Variants in HEMK2 observed in about 807,000 individuals in gnomAD.
HEMK2 encodes methyltransferase HEMK2.
the HEMK2 span, among the ~76,000 whole-genome samples, chr21:28,595,233 T>C: frequency 6.6e-6 from 1 of 152,204 alleles, no homozygotes; most frequent in East Asian, 1.9e-4. Context: ...TTATTGACTA[T>C]AGTCACCCTG....
the HEMK2 span, among the ~76,000 whole-genome samples, chr21:28,825,585 T>G: frequency 6.6e-6 from 1 of 152,200 alleles, no homozygotes; most frequent in Non-Finnish European, 1.5e-5. Flanking sequence ...AGCTCCATCT[T>G]AAAGAAGTAT....
the HEMK2 span, among the ~76,000 whole-genome samples, chr21:28,860,332 C>A: frequency 6.6e-6 from 1 of 152,028 alleles, no homozygotes; most frequent in Non-Finnish European, 1.5e-5. Context: ...GAACACTGGA[C>A]TCCACGTTCT....
At chr21:28,831,558 GGAAAGAAGGAAAGAAA>G in the HEMK2 span, among the ~76,000 whole-genome samples, 113 of 68,720 alleles carry the variant, frequency 1.6e-3, 9 homozygotes, top group African/African-American at 5.5e-3. Context: ...AAGGAAAGAA[GGAAAGAAGGAAAGAAA>G]GAAAGAAGGA....
the HEMK2 span, among the ~76,000 whole-genome samples, chr21:28,624,318 C>A: frequency 6.6e-5 from 10 of 152,334 alleles, 1 homozygote; most frequent in Admixed American, 6.5e-4. Context: ...CTCTCCTCTC[C>A]ATTGAGAAGT....
the HEMK2 span, among the ~76,000 whole-genome samples, chr21:28,753,168 C>T: frequency 5.3e-5 from 8 of 152,090 alleles, no homozygotes; most frequent in African/African-American, 1.7e-4. Context: ...ACCAGCGTGG[C>T]CAATATGGTG....
chr21:28,668,676 A>G, the HEMK2 span, among the ~76,000 whole-genome samples: 2 of 152,190 alleles, frequency 1.3e-5, no homozygotes, highest in African/African-American at 4.8e-5. Context: ...ACAATAATAC[A>G]ATCAATCACA....
chr21:28,856,692 A>G, the HEMK2 span, among the ~76,000 whole-genome samples: 1 of 152,196 alleles, frequency 6.6e-6, no homozygotes, highest in Non-Finnish European at 1.5e-5. Flanking sequence ...AGCAGCACAG[A>G]GCCAGGGATC....
the HEMK2 span, among the ~76,000 whole-genome samples, chr21:28,855,069 G>T: frequency 6.6e-6 from 1 of 152,114 alleles, no homozygotes; most frequent in Non-Finnish European, 1.5e-5. Context: ...GCATAAAGTG[G>T]CAAGATGAAT....
the HEMK2 span, among the ~76,000 whole-genome samples, chr21:28,773,183 T>A: frequency 6.6e-6 from 1 of 152,130 alleles, no homozygotes; most frequent in African/African-American, 2.4e-5. Context: ...GCAAATATAG[T>A]CTCAGATTGG....
the HEMK2 span, among the ~76,000 whole-genome samples, chr21:28,851,803 G>A: frequency 6.6e-6 from 1 of 152,298 alleles, no homozygotes; most frequent in East Asian, 1.9e-4. Flanking sequence ...AAGTCAGAGA[G>A]CTAATACACC....
At chr21:28,873,514 C>A in the HEMK2 span, 2 of 152,212 alleles carry the variant, frequency 1.3e-5, no homozygotes, top group Admixed American at 1.3e-4. Flanking sequence ...ATGGTACTTA[C>A]CTGGTGGTGA....
the HEMK2 span, among the ~76,000 whole-genome samples, chr21:28,755,873 T>C: frequency 6.6e-6 from 1 of 152,204 alleles, no homozygotes; most frequent in African/African-American, 2.4e-5. Context: ...GATGCCTATA[T>C]GCATATACCC....
At chr21:28,593,421 A>G in the HEMK2 span, among the ~76,000 whole-genome samples, 1 of 152,198 alleles carries the variant, frequency 6.6e-6, no homozygotes, top group African/African-American at 2.4e-5. Context: ...ATGTACACCT[A>G]TATTTTCTTG....
At chr21:28,775,970 G>T in the HEMK2 span, among the ~76,000 whole-genome samples, 7 of 147,530 alleles carry the variant, frequency 4.7e-5, no homozygotes, top group East Asian at 2.0e-4. Context: ...AGAGGTGAGG[G>T]TAAAAAAAAA....
At chr21:28,816,155 T>G in the HEMK2 span, among the ~76,000 whole-genome samples, 1 of 152,226 alleles carries the variant, frequency 6.6e-6, no homozygotes, top group Non-Finnish European at 1.5e-5. Flanking sequence ...GCTTCCAGCC[T>G]TCTGAACTGT....
chr21:28,654,519 A>G, the HEMK2 span, among the ~76,000 whole-genome samples: 2 of 152,142 alleles, frequency 1.3e-5, no homozygotes, highest in African/African-American at 2.4e-5. Context: ...ACTCTAAGTC[A>G]AGGAAAGCAT....
chr21:28,579,424 C>T, the HEMK2 span, among the ~76,000 whole-genome samples: 1 of 152,050 alleles, frequency 6.6e-6, no homozygotes, highest in African/African-American at 2.4e-5. Flanking sequence ...TTTAATAAGA[C>T]CTTTAATGCA....
the HEMK2 span, among the ~76,000 whole-genome samples, chr21:28,830,547 T>C: frequency 1.3e-5 from 2 of 152,188 alleles, no homozygotes; most frequent in Admixed American, 6.5e-5. Context: ...GAACAGACTC[T>C]ACAATATCTT....
the HEMK2 span, among the ~76,000 whole-genome samples, chr21:28,854,586 T>C: frequency 1.7e-4 from 26 of 152,268 alleles, no homozygotes; most frequent in African/African-American, 6.0e-4. Context: ...GGTCCCACAA[T>C]ACGCCATCTG....
Sources: gnomAD v4.1 joint callset for allele counts (sites outside exome capture counted in the v4.1 genomes callset) on GRCh38, gnomAD v4.1.1 for gene constraint, MANE v1.5 for transcripts, NCBI Gene and HGNC (gene_info 2026-07-23, HGNC 2026-07-21) for gene names.